The following NPR1 variants were observed in gnomAD, a reference collection of about 807,000 sequenced individuals.
NPR1 encodes the protein natriuretic peptide receptor 1, also known as atrial natriuretic peptide receptor 1.
In NPR1, 57 loss-of-function variants were observed where a neutral mutation model predicts 116.9. The observed-to-expected ratio is 0.49, with a 90% CI of 0.39 to 0.61. The LOEUF is 0.61. Among genes scored for constraint, NPR1 ranks in the 20% least tolerant of loss-of-function variants. The pLI, the probability that NPR1 is intolerant of heterozygous loss-of-function variation, is 0.00. For missense variants in NPR1, 1,096 were observed against 1,409.8 expected (o/e 0.78, Z 3.56); for synonymous variants, 555 against 601.6 (o/e 0.92, Z 1.13).
intron 15 of NPR1, chr1:153,688,659 T>C (rs1310836927): frequency 2.1e-6 from 1 of 484,576 alleles, no homozygotes; most frequent in Non-Finnish European, 3.7e-6. Context: ...TTGTCCGCAA[T>C]TGACCCTTGT....
rs769056334 is a variant in NPR1, at chr1:153,689,571, C to T, written c.2757+50C>T. On this transcript the variant is annotated intron_variant, in intron 18 of 21. Coordinates refer to ENST00000368680, the MANE Select transcript of NPR1 (RefSeq NM_000906.4). This position sits in a 1 kb window ranked among gnomAD's most constrained non-coding sequence, Gnocchi z 5.1. ...AGGGACAGACAGACATGGACAAGGT[C>T]AGAAAAAGATGAGGGGTAGGCAGAA... The T allele has an allele frequency of 5.8e-6, 9 of 1,555,566 alleles. No homozygotes were observed. The South Asian group carries it at 1.0e-4, about 17-fold the overall frequency.
rs1366975522 is a variant in NPR1 at position 153,685,868 on chromosome 1, A to C, written c.1668A>C (p.Thr556=). The part of the protein sequence containing the change: ...TEGQFQVFAK[T]AYYKGNLVAV... ...GCCAGTTCCAAGTCTTTGCCAAGAC[A>C]GCATATTATAAGGTGGGCCTGGGGA... Residue 556 remains threonine (T), a synonymous_variant, in exon 9 of 22, where the codon ACA becomes ACC. Transcript: ENST00000368680. 2 of 1,613,864 alleles carry C rather than the reference A, an allele frequency of 1.2e-6. No homozygotes were observed. Among genetic ancestry groups the C allele is most frequent in the East Asian group, 4.5e-5 (2 of 44,896 alleles).
chr1:153,688,855 T>C, intron 15 of NPR1, 98 bp from the exon 16 acceptor site: 1 of 1,475,798 alleles, frequency 6.8e-7, no homozygotes, highest in Non-Finnish European at 9.4e-7. Flanking sequence ...TCTAGAGACC[T>C]CACTGCAGTC....
chr1:153,687,205 G>C lies in NPR1; in HGVS notation c.1941G>C (p.Met647Ile). 1 of 1,614,122 alleles carries C rather than the reference G, an allele frequency of 6.2e-7. No individual in the cohort carries two copies. The highest frequency in any genetic ancestry group is 1.1e-5 in the South Asian group (1 of 91,086). Residue 647 changes from methionine to isoleucine, a missense_variant, in exon 13 of 22, where the codon ATG becomes ATC. By Grantham distance (10) the Met-to-Ile change is conservative. Transcript: ENST00000368680. ...CTGCCCACTCACATTTCCAGGGCAT[G>C]CTGTTTCTACACAATGGGGCTATCT... is the stretch of plus-strand genomic sequence containing the variant. ...YSLTNDIVKG[M>I]LFLHNGAICS...
At chr1:153,692,165 G>T (rs547626224) in intron 20 of NPR1, among the ~76,000 whole-genome samples, 159 of 152,284 alleles carry the variant, frequency 1.0e-3, no homozygotes, top group African/African-American at 3.8e-3. Context: ...CATTCCGTTT[G>T]AATACTTTAT....
At position 153,685,043 on chromosome 1, in the gene NPR1, A is replaced by C. The variant is rs142613858; in HGVS notation, c.1564A>C (p.Arg522=). The C allele has an allele frequency of 1.9e-6, 3 of 1,614,034 alleles. No individual in the cohort carries two copies. In the South Asian group the frequency reaches 3.3e-5, roughly 18 times the overall value. ...WEDVEPSSLE[R]HLRSAGSRLT... ...GGACGTTGAGCCCAGTAGCCTTGAG[A>C]GGCACCTGCGGAGTGCAGGCAGCCG... is the stretch of plus-strand genomic sequence containing the variant. Residue 522 remains arginine, a synonymous_variant, in exon 8 of 22, where the codon AGG becomes CGG. Coordinates refer to ENST00000368680, the MANE Select transcript of NPR1 (RefSeq NM_000906.4).
chr1:153,684,545 C>G (rs1669874978), intron 7 of NPR1, among the ~76,000 whole-genome samples: 1 of 151,896 alleles, frequency 6.6e-6, no homozygotes, highest in Non-Finnish European at 1.5e-5. Flanking sequence ...GCACATGCCA[C>G]CACGCTCAGC....
At chr1:153,690,204 G>A (rs1670065345) in intron 19 of NPR1, 80 bp from the exon 20 acceptor site, 3 of 1,079,470 alleles carry the variant, frequency 2.8e-6, no homozygotes, top group Non-Finnish European at 4.0e-6. Context: ...TGCCTGTCTT[G>A]GATTGTCCAC....
At chr1:153,683,946 G>A (rs976486473) in intron 7 of NPR1, 122 bp downstream of exon 7, 1 of 793,260 alleles carries the variant, frequency 1.3e-6, no homozygotes. Flanking sequence ...AAAACCAAGG[G>A]AGATGAGGAA....
Position 153,689,099 on chromosome 1 carries a change from A to G in NPR1, c.2564A>G (p.His855Arg). ...AEALLYQILP[H>R]SVAEQLKRGE... ...GCCCTGCTCTACCAGATCCTGCCTC[A>G]GTGAGTGCCTGAGTCTGGGGACCCC... Residue 855 changes from histidine (H) to arginine (R), a missense_variant and splice_region_variant, in exon 16 of 22, where the codon CAC becomes CGC. By Grantham distance (29) the His-to-Arg change is conservative (BLOSUM62 0). Transcript: ENST00000368680. The surrounding 1 kb of genome is among the most constrained non-coding windows in gnomAD (Gnocchi z 5.1). 6.2e-7 allele frequency: 1 copy of G among 1,614,176 alleles called. No homozygotes were observed. Among genetic ancestry groups the G allele is most frequent in the Non-Finnish European group, 8.5e-7 (1 of 1,180,018 alleles).
chr1:153,686,497 G>T, intron 10 of NPR1, 149 bp from the exon 11 acceptor site: 1 of 676,890 alleles, frequency 1.5e-6, no homozygotes, highest in Non-Finnish European at 2.6e-6. Context: ...TGGGCTAAAG[G>T]ACATGGGTGG....
Position 153,693,611 on chromosome 1 carries a change from A to C in NPR1, c.*197A>C. ...CTGGCATGGGGGGATCTCAGAGCTT[A>C]CAGGCTGAGCCAAGCCCACGGCCAT... is the stretch of plus-strand genomic sequence containing the variant. On this transcript the variant is annotated 3_prime_UTR_variant, in exon 22 of 22. Transcript: ENST00000368680. 1 of 524,002 alleles carries C rather than the reference A, an allele frequency of 1.9e-6. No homozygotes were observed. Among genetic ancestry groups the C allele is most frequent in the Non-Finnish European group, 3.3e-6 (1 of 302,126 alleles). The allele number at this position is 524,002 out of a possible 1,614,324, so 32.5% of individuals were successfully genotyped here. A position where few individuals can be genotyped will look rare whatever the true frequency, so the allele number is the denominator to read the frequency against.
rs145410183 is a variant in NPR1, at chr1:153,692,810, G to T, written c.3032-296G>T. On this transcript the variant is annotated intron_variant, in intron 20 of 21. Coordinates refer to ENST00000368680, the MANE Select transcript of NPR1 (RefSeq NM_000906.4). ...TTACAGGTGTGAGCCACAGCACCCA[G>T]CCTGAATTTTTAACTGTATTTAGTT... Among the ~76,000 whole-genome samples the T allele has an allele frequency of 2.0e-3, 307 of 152,284 alleles. 4 individuals are homozygous for T. The highest frequency in any genetic ancestry group is 7.1e-3 in the African/African-American group (295 of 41,572).
chr1:153,687,139 C>A, intron 12 of NPR1, 52 bp downstream of exon 12: 2 of 1,612,958 alleles, frequency 1.2e-6, no homozygotes, highest in South Asian at 1.1e-5. Flanking sequence ...AGGCATGCTT[C>A]TCCTGGCCAC....
chr1:153,685,693 G>T (rs576361392), intron 8 of NPR1, 113 bp from the exon 9 acceptor site: 2 of 811,070 alleles, frequency 2.5e-6, no homozygotes, highest in East Asian at 2.5e-5. Flanking sequence ...AAAAGGAAGG[G>T]TGACACAAAG....
intron 9 of NPR1, 118 bp downstream of exon 9, chr1:153,685,998 C>A: frequency 7.3e-7 from 1 of 1,378,886 alleles, no homozygotes; most frequent in African/African-American, 1.4e-5. Flanking sequence ...AGATGGGGGC[C>A]CTGGGGGTGG....
chr1:153,683,364 G>A lies in NPR1; in HGVS notation c.1264-12G>A, dbSNP rs770864302. ...AGGCCCTGGCCTAGCCACCACTCCT[G>A]CTCTCCCTTAGGTTGTACTGAACTA... On this transcript the variant is annotated splice_polypyrimidine_tract_variant and intron_variant, in intron 5 of 21. Transcript: ENST00000368680. 2 of 1,612,880 alleles carry A rather than the reference G, an allele frequency of 1.2e-6. No homozygotes were observed. The highest frequency in any genetic ancestry group is 1.7e-6 in the Non-Finnish European group (2 of 1,179,324).
At chr1:153,687,385 T>C (rs188255628) in intron 13 of NPR1, 29 bp downstream of exon 13, 2 of 1,610,494 alleles carry the variant, frequency 1.2e-6, no homozygotes, top group Admixed American at 3.3e-5. Flanking sequence ...ACCTAACACC[T>C]GCCCCCAGCA....
At chr1:153,685,756 G>A in intron 8 of NPR1, 50 bp from the exon 9 acceptor site, 3 of 1,403,206 alleles carry the variant, frequency 2.1e-6, no homozygotes, top group Non-Finnish European at 3.0e-6. Context: ...CAATCAGGAT[G>A]CAGACTGGGC....
Sources: allele counts gnomAD v4.1 joint callset (sites outside exome capture counted in the v4.1 genomes callset), GRCh38; gene constraint gnomAD v4.1.1; non-coding constraint Gnocchi (gnomAD v3.1); transcripts MANE v1.5; gene names NCBI Gene and HGNC (gene_info 2026-07-23, HGNC 2026-07-21).